Variants in MAP7 observed in about 807,000 individuals in gnomAD.
MAP7 encodes microtubule associated protein 7, also known as ensconsin.
A neutral mutation model predicts 94.8 loss-of-function variants in MAP7; 52 were observed. The ratio of observed to expected loss-of-function variants is 0.55; its 90% CI spans 0.44 to 0.69. The LOEUF is 0.69. Ranked by LOEUF, MAP7 falls within the 30% of genes least tolerant of loss-of-function variation. The pLI is 0.00. For synonymous variants in MAP7, 350 were observed against 357.0 expected (o/e 0.98, Z 0.22); for missense variants, 940 against 964.6 (o/e 0.97, Z 0.34).
intron 2 of MAP7, chr6:136,420,242 G>A: frequency 1.0e-6 from 1 of 995,346 alleles, no homozygotes; most frequent in Non-Finnish European, 1.6e-6. Context: ...AAATCTGACA[G>A]GGCCGCGCCA....
At chr6:136,383,089 T>C (rs892620838) in intron 6 of MAP7, among the ~76,000 whole-genome samples, 5 of 152,176 alleles carry the variant, frequency 3.3e-5, no homozygotes, top group Non-Finnish European at 5.9e-5. Context: ...GAATATTAAA[T>C]GTTTCAGGAG....
intron 1 of MAP7, among the ~76,000 whole-genome samples, chr6:136,523,606 C>T (rs1311251205): frequency 1.3e-5 from 2 of 152,148 alleles, no homozygotes; most frequent in African/African-American, 4.8e-5. Flanking sequence ...GAGATATCCA[C>T]GGTTATCTGG....
intron 1 of MAP7, among the ~76,000 whole-genome samples, chr6:136,519,567 G>A (rs539166653): frequency 8.7e-4 from 133 of 152,156 alleles, no homozygotes; most frequent in Non-Finnish European, 1.8e-3. Context: ...TATCTGATAG[G>A]AATATAAATG....
intron 1 of MAP7, among the ~76,000 whole-genome samples, chr6:136,446,327 G>A (rs550252800): frequency 2.6e-5 from 4 of 151,992 alleles, no homozygotes; most frequent in Non-Finnish European, 5.9e-5. Context: ...GATCATCAGA[G>A]GTGGATAGGG....
intron 3 of MAP7, among the ~76,000 whole-genome samples, chr6:136,402,666 G>C (rs1025554383): frequency 6.6e-6 from 1 of 152,124 alleles, no homozygotes; most frequent in African/African-American, 2.4e-5. Context: ...CAGCACTTTG[G>C]GAGGCCGAGG....
intron 1 of MAP7, chr6:136,526,291 A>ACACACG (rs1554272750): frequency 1.9e-6 from 2 of 1,043,882 alleles, no homozygotes; most frequent in African/African-American, 3.4e-5. Flanking sequence ...ACACACACAC[A>ACACACG]CACACACACT....
chr6:136,453,498 C>G (rs1655592952), intron 1 of MAP7, among the ~76,000 whole-genome samples: 1 of 152,170 alleles, frequency 6.6e-6, no homozygotes, highest in African/African-American at 2.4e-5. Flanking sequence ...TCCGGACAAT[C>G]TAGTGAATGT....
intron 3 of MAP7, among the ~76,000 whole-genome samples, chr6:136,408,642 A>AT (rs1409698096): frequency 6.6e-6 from 1 of 151,982 alleles, no homozygotes; most frequent in Non-Finnish European, 1.5e-5. Flanking sequence ...ATGGTGTCCG[A>AT]TTTTTTTTAA....
chr6:136,419,031 G>T (rs186854848), intron 2 of MAP7, among the ~76,000 whole-genome samples: 56 of 152,236 alleles, frequency 3.7e-4, no homozygotes, highest in Admixed American at 2.7e-3. Flanking sequence ...CTTGACTTTA[G>T]CAATATAAAT....
At chr6:136,385,494 A>T (rs990659594) in intron 5 of MAP7, among the ~76,000 whole-genome samples, 6 of 152,160 alleles carry the variant, frequency 3.9e-5, no homozygotes, top group Non-Finnish European at 5.9e-5. Flanking sequence ...GTTGGGGGAA[A>T]ATTGTGTCCA....
intron 16 of MAP7, 104 bp downstream of exon 16, chr6:136,356,588 C>G: frequency 1.2e-6 from 1 of 804,790 alleles, no homozygotes; most frequent in Admixed American, 2.8e-5. Context: ...TCAATGAGGC[C>G]CCCCCCAAAT....
At chr6:136,366,087 C>T (rs752382565) in intron 9 of MAP7, 69 bp from the exon 10 acceptor site, 37 of 1,474,868 alleles carry the variant, frequency 2.5e-5, no homozygotes, top group Admixed American at 2.1e-4. Context: ...ACCTAGAACA[C>T]GACTCGATGG....
At chr6:136,369,752 T>C (rs919992120) in intron 8 of MAP7, among the ~76,000 whole-genome samples, 3 of 152,112 alleles carry the variant, frequency 2.0e-5, no homozygotes, top group African/African-American at 2.4e-5. Context: ...CCTTCTAAAA[T>C]ATACAAAAGT....
Position 136,365,717 on chromosome 6 carries a change from A to G in MAP7, c.1273+18T>C, listed in dbSNP as rs1241768638. 1 of 1,609,560 alleles carries G rather than the reference A, an allele frequency of 6.2e-7. No individual in the cohort carries two copies. Among genetic ancestry groups the G allele is most frequent in the Non-Finnish European group, 8.5e-7 (1 of 1,176,878 alleles). ...GAAAAAGAGAGAGCACCCAGACCACAGGTGAGTTTGCTCTTACCAGGGCCA... is the reference window on the plus strand; with the variant it reads ...GAAAAAGAGAGAGCACCCAGACCACGGGTGAGTTTGCTCTTACCAGGGCCA... On this transcript the variant is annotated intron_variant, in intron 10 of 17. Transcript: ENST00000354570.
chr6:136,371,042 ACT>A lies in MAP7; in HGVS notation c.876+1457_876+1458del, dbSNP rs375377282. Reference sequence around the variant, plus strand: ...ACAGTGCAGCTCCAGGGTATAAATGACTCTGAGTCGTTTTCTGTTAGTATTTG... The same window carrying A: ...ACAGTGCAGCTCCAGGGTATAAATGACTGAGTCGTTTTCTGTTAGTATTTG... On this transcript the variant is annotated intron_variant, in intron 8 of 17. Coordinates refer to ENST00000354570, the MANE Select transcript of MAP7 (RefSeq NM_003980.6). Among the ~76,000 whole-genome samples the A allele has an allele frequency of 2.4e-4, 37 of 152,076 alleles. No homozygotes were observed. In the East Asian group the frequency reaches 3.1e-3, roughly 13 times the overall value.
At chr6:136,364,359 G>GC in intron 10 of MAP7, 1 of 419,974 alleles carries the variant, frequency 2.4e-6, no homozygotes, top group South Asian at 1.9e-5. Context: ...AGAAGGTCCT[G>GC]CCCCCTCCAC....
intron 1 of MAP7, among the ~76,000 whole-genome samples, chr6:136,514,522 G>A (rs529627434): frequency 6.9e-4 from 96 of 138,962 alleles, no homozygotes; most frequent in African/African-American, 2.4e-3. Flanking sequence ...GGAGGCAGAG[G>A]TTACAGTGAG....
At chr6:136,542,459 T>A (rs1829402825) in intron 1 of MAP7, among the ~76,000 whole-genome samples, 1 of 152,186 alleles carries the variant, frequency 6.6e-6, no homozygotes, top group Non-Finnish European at 1.5e-5. Flanking sequence ...GATGTTCCAA[T>A]AAGGAATTAA....
At chr6:136,422,513 A>G (rs1406220655) in intron 1 of MAP7, among the ~76,000 whole-genome samples, 1 of 152,186 alleles carries the variant, frequency 6.6e-6, no homozygotes, top group Admixed American at 6.5e-5. Flanking sequence ...GGCGAACATC[A>G]GAGGCCTATC....
Sources: allele counts gnomAD v4.1 joint callset (sites outside exome capture counted in the v4.1 genomes callset), GRCh38; gene constraint gnomAD v4.1.1; transcripts MANE v1.5; gene names NCBI Gene and HGNC (gene_info 2026-07-23, HGNC 2026-07-21).